PDE8B: variants seen among roughly 807,000 people sequenced by gnomAD.
The protein encoded by PDE8B is high affinity cAMP-specific and IBMX-insensitive 3',5'-cyclic phosphodiesterase 8B.
A neutral mutation model predicts 101.3 loss-of-function variants in PDE8B; 26 were observed. The ratio of observed to expected loss-of-function variants is 0.26; its 90% CI spans 0.19 to 0.36. The LOEUF is 0.36. Among genes scored for constraint, PDE8B ranks in the 10% least tolerant of loss-of-function variants. PDE8B has a pLI of 1.00. For synonymous variants in PDE8B, 424 were observed against 429.3 expected (o/e 0.99, Z 0.15); for missense variants, 810 against 1,163.1 (o/e 0.70, Z 4.42).
the PDE8B span, among the ~76,000 whole-genome samples, chr5:77,181,289 G>A: frequency 6.6e-6 from 1 of 152,168 alleles, no homozygotes; most frequent in East Asian, 1.9e-4. Flanking sequence ...GAAAGTGCCC[G>A]GGAGAACAGT....
intron 1 of PDE8B, among the ~76,000 whole-genome samples, chr5:77,261,739 G>A (rs1367554997): frequency 1.3e-5 from 2 of 152,218 alleles, no homozygotes; most frequent in Admixed American, 6.5e-5. Context: ...TTCTAAGGCT[G>A]TCAGTGGAAG....
chr5:77,188,844 G>A, the PDE8B span, among the ~76,000 whole-genome samples: 1 of 152,114 alleles, frequency 6.6e-6, no homozygotes, highest in South Asian at 2.1e-4. Context: ...TCAATATCTT[G>A]CTTCCGTACC....
the PDE8B span, among the ~76,000 whole-genome samples, chr5:77,183,710 C>A: frequency 6.6e-6 from 1 of 152,104 alleles, no homozygotes; most frequent in East Asian, 1.9e-4. Flanking sequence ...TTCATGTCAG[C>A]AAAGAGATTG....
At chr5:77,347,086 C>T (rs767568574) in intron 7 of PDE8B, among the ~76,000 whole-genome samples, 1 of 152,196 alleles carries the variant, frequency 6.6e-6, no homozygotes, top group East Asian at 1.9e-4. Flanking sequence ...TTCCTCCCTC[C>T]TTTCCTTCCT....
the PDE8B span, among the ~76,000 whole-genome samples, chr5:77,125,134 A>G: frequency 2.0e-5 from 3 of 152,120 alleles, no homozygotes; most frequent in Non-Finnish European, 4.4e-5. Context: ...CTGGGACTAC[A>G]GGCATGCACC....
Position 77,410,543 on chromosome 5 carries a change from C to T in PDE8B, c.1531-1133C>T, listed in dbSNP as rs1434587201. 2.0e-5 allele frequency: 3 copies of T among 152,172 alleles called. No homozygotes were observed. The East Asian group carries it at 5.8e-4, about 29-fold the overall frequency. 9.4% of individuals were successfully genotyped at this position (152,172 alleles called of 1,614,324 possible). On this transcript the variant is annotated intron_variant, in intron 14 of 21. Coordinates refer to ENST00000264917, the MANE Select transcript of PDE8B (RefSeq NM_003719.5). ...CTCACTGCCATACCATCGTGGGTTT[C>T]CTCTCCAGAGAATGCTGTGAGGAAC...
At chr5:77,247,157 G>C (rs762834488) in intron 1 of PDE8B, among the ~76,000 whole-genome samples, 1 of 152,196 alleles carries the variant, frequency 6.6e-6, no homozygotes, top group Non-Finnish European at 1.5e-5. Context: ...AGCCACTCTG[G>C]ATGGCACCCC....
the PDE8B span, among the ~76,000 whole-genome samples, chr5:77,182,524 A>G: frequency 6.6e-6 from 1 of 152,108 alleles, no homozygotes; most frequent in Non-Finnish European, 1.5e-5. Context: ...GCATGAGTAG[A>G]GGGGAAGCCC....
At position 77,243,636 on chromosome 5, in the gene PDE8B, A is replaced by C. The variant is rs111320981; in HGVS notation, c.339+32372A>C. Among the ~76,000 whole-genome samples, 784 of 152,296 alleles carry C rather than the reference A, an allele frequency of 5.1e-3. 11 individuals are homozygous for C. The highest frequency in any genetic ancestry group is 0.018 in the African/African-American group (732 of 41,554). On this transcript the variant is annotated intron_variant, in intron 1 of 21. Coordinates refer to ENST00000264917, the MANE Select transcript of PDE8B (RefSeq NM_003719.5). ...TTTTGCCTGAGTTCTTTCAGTTAAC[A>C]TGCTTTCAAGGCTCATTCATGTTGT...
At chr5:77,223,151 C>T in intron 1 of PDE8B, among the ~76,000 whole-genome samples, 1 of 152,096 alleles carries the variant, frequency 6.6e-6, no homozygotes, top group East Asian at 1.9e-4. Context: ...TACATGTTCA[C>T]TTAACCAGTA....
Position 77,255,191 on chromosome 5 carries a change from G to T in PDE8B, c.339+43927G>T, listed in dbSNP as rs539451354. On this transcript the variant is annotated intron_variant, in intron 1 of 21. Coordinates refer to ENST00000264917, the MANE Select transcript of PDE8B (RefSeq NM_003719.5). Reference sequence around the variant, plus strand: ...TTAGGGTGGTACACTCTTTTTGGGGGTGATTTTCATCTGTTCCCCAACCAG... The same window carrying T: ...TTAGGGTGGTACACTCTTTTTGGGGTTGATTTTCATCTGTTCCCCAACCAG... 3.1e-4 allele frequency among the ~76,000 whole-genome samples: 47 copies of T among 152,222 alleles called. No individual in the cohort carries two copies. The South Asian group carries it at 9.3e-3, about 30-fold the overall frequency.
At chr5:77,111,349 C>G in the PDE8B span, among the ~76,000 whole-genome samples, 1 of 152,140 alleles carries the variant, frequency 6.6e-6, no homozygotes, top group African/African-American at 2.4e-5. Context: ...ATTCATTGGG[C>G]AGAAAAATCA....
In PDE8B at chr5:77,325,785, A is replaced by T. The variant is rs139675901; in HGVS notation, c.590+56A>T. On this transcript the variant is annotated intron_variant, in intron 3 of 21. Transcript: ENST00000264917. ...ATGTTCACTTTACATCTTAAAACGA[A>T]TTTCATTTATAGATATCTTTAGTTT... The T allele has an allele frequency of 1.1e-4, 130 of 1,157,736 alleles. 1 individual carries two copies. The African/African-American group carries it at 1.8e-3, about 16-fold the overall frequency. 71.7% of individuals were successfully genotyped at this position (1,157,736 alleles called of 1,614,324 possible). A position where few individuals can be genotyped will look rare whatever the true frequency, so the allele number is the denominator to read the frequency against.
At chr5:77,218,485 C>T (rs1164593546) in intron 1 of PDE8B, among the ~76,000 whole-genome samples, 1 of 152,226 alleles carries the variant, frequency 6.6e-6, no homozygotes, top group African/African-American at 2.4e-5. Context: ...GTGTTGCACA[C>T]TCAGGCCTGT....
At chr5:77,164,838 C>A in the PDE8B span, among the ~76,000 whole-genome samples, 2 of 152,142 alleles carry the variant, frequency 1.3e-5, no homozygotes, top group African/African-American at 4.8e-5. Flanking sequence ...CCAGGCAAAG[C>A]AGCTCTGGGA....
At chr5:77,170,537 A>G in the PDE8B span, among the ~76,000 whole-genome samples, 1 of 152,344 alleles carries the variant, frequency 6.6e-6, no homozygotes, top group East Asian at 1.9e-4. Flanking sequence ...CTTCTAGAGA[A>G]TAAGCAGGAC....
At chr5:77,164,862 G>A in the PDE8B span, among the ~76,000 whole-genome samples, 1 of 152,186 alleles carries the variant, frequency 6.6e-6, no homozygotes, top group South Asian at 2.1e-4. Context: ...CACAGGCAGA[G>A]CTTTGGGGAA....
intron 6 of PDE8B, among the ~76,000 whole-genome samples, chr5:77,343,873 C>CTTTTTTTTTTTTTTTTTTTTTTTTTTAAT (rs34017471): frequency 1.6e-5 from 2 of 126,508 alleles, no homozygotes; most frequent in African/African-American, 3.0e-5. Flanking sequence ...ATTTTTAAAT[C>CTTTTTTTTTTTTTTTTTTTTTTTTTTAAT]TTTTTTTTTT....
chr5:77,322,117 G>A, intron 2 of PDE8B, among the ~76,000 whole-genome samples: 1 of 152,130 alleles, frequency 6.6e-6, no homozygotes, highest in East Asian at 1.9e-4. Flanking sequence ...GAAAGGTCTG[G>A]GACATATTGG....
Sources: gnomAD v4.1 joint callset for allele counts (sites outside exome capture counted in the v4.1 genomes callset) on GRCh38, gnomAD v4.1.1 for gene constraint, MANE v1.5 for transcripts, NCBI Gene and HGNC (gene_info 2026-07-23, HGNC 2026-07-21) for gene names.